NTM: variants seen among roughly 807,000 people sequenced by gnomAD.
The protein encoded by NTM is neurotrimin.
In NTM, 13 loss-of-function variants were observed where a neutral mutation model predicts 42.1. The observed-to-expected ratio is 0.31, with a 90% CI of 0.20 to 0.49. The LOEUF (loss-of-function observed/expected upper bound fraction) is 0.49. Ranked by LOEUF, NTM falls within the 20% of genes least tolerant of loss-of-function variation. NTM has a pLI of 0.99. For missense variants in NTM, 373 were observed against 452.8 expected (o/e 0.82, Z 1.60); for synonymous variants, 187 against 179.2 (o/e 1.04, Z -0.35).
intron 2 of NTM, among the ~76,000 whole-genome samples, chr11:131,917,595 A>G (rs140104922): frequency 3.9e-5 from 6 of 152,322 alleles, no homozygotes; most frequent in Non-Finnish European, 8.8e-5. Flanking sequence ...GGACACAGAA[A>G]AGCACTCTGC....
At chr11:131,696,936 C>G (rs1449568998) in intron 1 of NTM, among the ~76,000 whole-genome samples, 1 of 152,122 alleles carries the variant, frequency 6.6e-6, no homozygotes, top group Non-Finnish European at 1.5e-5. Flanking sequence ...AATAATAAAT[C>G]TTAAGGAATG....
At chr11:132,043,616 G>T (rs7122827) in intron 2 of NTM, among the ~76,000 whole-genome samples, 5,154 of 152,278 alleles carry the variant, frequency 0.034, 292 homozygotes, top group African/African-American at 0.11. Flanking sequence ...TTGGAAAGTG[G>T]TCACCCGTTA....
At chr11:131,756,349 C>T (rs2083328830) in intron 1 of NTM, among the ~76,000 whole-genome samples, 1 of 151,906 alleles carries the variant, frequency 6.6e-6, no homozygotes, top group Non-Finnish European at 1.5e-5. Flanking sequence ...TTTGGGAGGC[C>T]AAGGCAAGAG....
chr11:131,732,828 A>G (rs2079867778), intron 1 of NTM, among the ~76,000 whole-genome samples: 1 of 152,164 alleles, frequency 6.6e-6, no homozygotes, highest in South Asian at 2.1e-4. Context: ...CTGGAGTCAT[A>G]TATACTTTCT....
At chr11:132,086,385 GA>G (rs201799557) in intron 2 of NTM, among the ~76,000 whole-genome samples, 2,977 of 149,520 alleles carry the variant, frequency 0.02, 43 homozygotes, top group African/African-American at 0.025. Flanking sequence ...GTCGATTGAG[GA>G]AAAAAAAACT....
At chr11:131,550,864 C>T (rs1251585975) in intron 1 of NTM, among the ~76,000 whole-genome samples, 2 of 152,058 alleles carry the variant, frequency 1.3e-5, no homozygotes, top group Non-Finnish European at 2.9e-5. Flanking sequence ...AAAAACAGCC[C>T]TTAACAGACA....
intron 2 of NTM, among the ~76,000 whole-genome samples, chr11:132,101,652 AC>A (rs1269596522): frequency 6.6e-6 from 1 of 151,728 alleles, no homozygotes. Context: ...GAAACCTAAG[AC>A]CTTCTTATTT....
At chr11:131,719,101 G>C (rs2079358352) in intron 1 of NTM, among the ~76,000 whole-genome samples, 2 of 152,074 alleles carry the variant, frequency 1.3e-5, no homozygotes, top group Admixed American at 1.3e-4. Context: ...GTAGAGATGA[G>C]GTTTTGCCAT....
At chr11:131,386,910 C>T (rs796104073) in intron 1 of NTM, among the ~76,000 whole-genome samples, 9 of 152,274 alleles carry the variant, frequency 5.9e-5, no homozygotes, top group African/African-American at 2.2e-4. Flanking sequence ...CAAACATATC[C>T]AGAGCTCACC....
chr11:131,596,734 A>G (rs2059845298), intron 1 of NTM, among the ~76,000 whole-genome samples: 1 of 152,244 alleles, frequency 6.6e-6, no homozygotes. Context: ...CTGGGGCTGG[A>G]ACTCAGACTG....
chr11:131,793,743 G>T (rs569071450), intron 1 of NTM, among the ~76,000 whole-genome samples: 1 of 152,164 alleles, frequency 6.6e-6, no homozygotes, highest in Non-Finnish European at 1.5e-5. Context: ...CGGCATGCTA[G>T]TTAGAGGTCC....
intron 1 of NTM, among the ~76,000 whole-genome samples, chr11:131,404,316 C>G (rs186344581): frequency 2.0e-5 from 3 of 152,308 alleles, no homozygotes; most frequent in Non-Finnish European, 4.4e-5. Flanking sequence ...CTCTCAGCAG[C>G]GCTTGACATA....
chr11:131,511,721 C>T (rs989075303), intron 1 of NTM, among the ~76,000 whole-genome samples: 11 of 152,210 alleles, frequency 7.2e-5, no homozygotes, highest in East Asian at 3.9e-4. Flanking sequence ...CTGGCAGCTG[C>T]GTCCTCCACC....
chr11:131,565,615 C>A (rs1162865891), intron 1 of NTM, among the ~76,000 whole-genome samples: 1 of 152,228 alleles, frequency 6.6e-6, no homozygotes, highest in Non-Finnish European at 1.5e-5. Flanking sequence ...ATATTGGATG[C>A]ATAATTGAGT....
chr11:132,022,554 C>CACAAGGT (rs768483810), intron 2 of NTM, among the ~76,000 whole-genome samples: 7,519 of 152,254 alleles, frequency 0.049, 249 homozygotes, highest in Non-Finnish European at 0.073. Context: ...CAACTAAGAG[C>CACAAGGT]CCTCTAACAC....
At chr11:131,577,155 G>T (rs1259152129) in intron 1 of NTM, among the ~76,000 whole-genome samples, 2 of 152,114 alleles carry the variant, frequency 1.3e-5, no homozygotes, top group East Asian at 1.9e-4. Flanking sequence ...TGGTAAACAG[G>T]AATAATTGCA....
intron 7 of NTM, among the ~76,000 whole-genome samples, chr11:132,316,139 A>C (rs1163048523): frequency 1.1e-4 from 13 of 116,918 alleles, no homozygotes; most frequent in Admixed American, 4.4e-4. Context: ...ACTTTGACCT[A>C]CTCTCTCCTG....
intron 2 of NTM, among the ~76,000 whole-genome samples, chr11:132,048,924 C>A (rs1383224182): frequency 6.6e-6 from 1 of 151,612 alleles, no homozygotes; most frequent in Non-Finnish European, 1.5e-5. Context: ...GAAGAGTCGG[C>A]CCTTACCCTG....
At chr11:131,741,895 T>C (rs1057316397) in intron 1 of NTM, among the ~76,000 whole-genome samples, 5 of 152,140 alleles carry the variant, frequency 3.3e-5, no homozygotes, top group Non-Finnish European at 7.3e-5. Context: ...TATGTAGCCA[T>C]AATAAGGACT....
Sources: gnomAD v4.1 joint callset for allele counts (sites outside exome capture counted in the v4.1 genomes callset) on GRCh38, gnomAD v4.1.1 for gene constraint, MANE v1.5 for transcripts, NCBI Gene and HGNC (gene_info 2026-07-23, HGNC 2026-07-21) for gene names.